MGMT: variants seen among roughly 807,000 people sequenced by gnomAD.
MGMT encodes methylated-DNA--protein-cysteine methyltransferase.
In MGMT, 14 loss-of-function variants were observed where a neutral mutation model predicts 15.9. The observed-to-expected ratio is 0.88, with a 90% CI of 0.58 to 1.37. The LOEUF is 1.37. Ranked by LOEUF, MGMT falls within the 40% of genes most tolerant of loss-of-function variation. The probability of loss-of-function intolerance (pLI) is 0.00; values close to 1 mark genes in which losing one functional copy is unlikely to be tolerated. For missense variants in MGMT, 282 were observed against 268.1 expected, an observed-to-expected ratio of 1.05 and a Z score of -0.36; for synonymous variants, 130 against 118.2, an observed-to-expected ratio of 1.10 and a Z score of -0.65.
intron 3 of MGMT, among the ~76,000 whole-genome samples, chr10:129,756,460 G>GT (rs534905920): frequency 4.6e-5 from 7 of 151,964 alleles, no homozygotes; most frequent in African/African-American, 1.4e-4. Flanking sequence ...GGCTGCTGGG[G>GT]TTTTTTTTGT....
intron 1 of MGMT, among the ~76,000 whole-genome samples, chr10:129,481,265 C>A (rs1256483884): frequency 6.6e-6 from 1 of 152,228 alleles, no homozygotes; most frequent in African/African-American, 2.4e-5. Flanking sequence ...GGATAACTCT[C>A]ATTGGTTTCC....
intron 2 of MGMT, among the ~76,000 whole-genome samples, chr10:129,607,900 G>A (rs960357153): frequency 6.6e-6 from 1 of 152,192 alleles, no homozygotes; most frequent in African/African-American, 2.4e-5. Flanking sequence ...GAGGACGTGG[G>A]GTTAGCCACC....
rs529724363 is a variant in MGMT, at chr10:129,471,280, C to T, written c.-13+3984C>T. 9.8e-5 allele frequency among the ~76,000 whole-genome samples: 15 copies of T among 152,332 alleles called. No homozygotes were observed. The South Asian group carries it at 2.9e-3, about 29-fold the overall frequency. The stretch of plus-strand genomic sequence containing the variant: ...GAAAGCGCTTGCCTTATTGACGGAT[C>T]AGGCAATTCTGGCACGGGATGTTCA... On this transcript the variant is annotated intron_variant, in intron 1 of 4. Transcript: ENST00000651593.
At chr10:129,619,557 A>G (rs923480158) in intron 2 of MGMT, among the ~76,000 whole-genome samples, 1 of 152,112 alleles carries the variant, frequency 6.6e-6, no homozygotes, top group Non-Finnish European at 1.5e-5. Context: ...AAAATTGTTT[A>G]GGATTGGTAT....
chr10:129,474,353 G>A (rs189471509), intron 1 of MGMT, among the ~76,000 whole-genome samples: 1 of 152,226 alleles, frequency 6.6e-6, no homozygotes, highest in African/African-American at 2.4e-5. Flanking sequence ...GTTCCAGGAG[G>A]TATAGCTGGG....
intron 1 of MGMT, among the ~76,000 whole-genome samples, chr10:129,493,395 T>C (rs1194823920): frequency 2.6e-5 from 4 of 152,166 alleles, no homozygotes; most frequent in Non-Finnish European, 2.9e-5. Flanking sequence ...TACTCTCCTT[T>C]TTCCAAGTGC....
chr10:129,564,910 T>A (rs1846336594), intron 2 of MGMT, among the ~76,000 whole-genome samples: 1 of 152,002 alleles, frequency 6.6e-6, no homozygotes, highest in South Asian at 2.1e-4. Flanking sequence ...GCCACTGCCC[T>A]CAGGGTCCCT....
At chr10:129,753,957 T>C (rs1020525884) in intron 3 of MGMT, among the ~76,000 whole-genome samples, 1 of 152,204 alleles carries the variant, frequency 6.6e-6, no homozygotes, top group African/African-American at 2.4e-5. Flanking sequence ...TGGTTGGATT[T>C]AGTTAGTTCA....
At chr10:129,694,515 C>A (rs571111397) in intron 2 of MGMT, among the ~76,000 whole-genome samples, 146 of 152,292 alleles carry the variant, frequency 9.6e-4, no homozygotes, top group African/African-American at 3.1e-3. Flanking sequence ...TGCCAGCCTT[C>A]TTTGAGTAGA....
intron 1 of MGMT, among the ~76,000 whole-genome samples, chr10:129,478,095 C>A (rs1845315714): frequency 6.6e-6 from 1 of 152,138 alleles, no homozygotes; most frequent in Non-Finnish European, 1.5e-5. Flanking sequence ...CTGTCCTGGC[C>A]CTGGGTGGGC....
At chr10:129,761,552 ACT>A (rs1848873651) in intron 4 of MGMT, among the ~76,000 whole-genome samples, 1 of 152,094 alleles carries the variant, frequency 6.6e-6, no homozygotes, top group South Asian at 2.1e-4. Context: ...AACCAGCGTG[ACT>A]CTCTTCTCCT....
At position 129,659,794 on chromosome 10, in the gene MGMT, GA is replaced by G. The variant is rs1424445416; in HGVS notation, c.126-48099del. 1.3e-5 allele frequency among the ~76,000 whole-genome samples: 2 copies of G among 152,152 alleles called. No homozygotes were observed. Among genetic ancestry groups the G allele is most frequent in the Admixed American group, 1.3e-4 (2 of 15,286 alleles). ...GAAAACAGAAGTAAAAGTCTAAATT[GA>G]ACCAAAGTCCTCCTTAAAGATTGCC... On this transcript the variant is annotated intron_variant, in intron 2 of 4. Coordinates refer to ENST00000651593, the MANE Select transcript of MGMT (RefSeq NM_002412.5). This position sits in a 1 kb window ranked among gnomAD's most constrained non-coding sequence, Gnocchi z 4.1.
chr10:129,582,050 G>A (rs764829898), intron 2 of MGMT, among the ~76,000 whole-genome samples: 1 of 152,210 alleles, frequency 6.6e-6, no homozygotes, highest in South Asian at 2.1e-4. Flanking sequence ...TCCCAGGTGG[G>A]TGGTGGTGAG....
chr10:129,659,256 C>T lies in MGMT; in HGVS notation c.126-48639C>T, dbSNP rs185986274. On this transcript the variant is annotated intron_variant, in intron 2 of 4. Coordinates refer to ENST00000651593, the MANE Select transcript of MGMT (RefSeq NM_002412.5). The surrounding 1 kb of genome is among the most constrained non-coding windows in gnomAD (Gnocchi z 4.1). ...CCCGTAGTCTCAGCTACTCGGGAGG[C>T]TGAGGCAGGAGAATTGCTTGAACCT... 8.9e-3 allele frequency among the ~76,000 whole-genome samples: 1,353 copies of T among 151,632 alleles called. 12 individuals are homozygous for T. Among genetic ancestry groups the T allele is most frequent in the Middle Eastern group, 0.051 (15 of 294 alleles).
chr10:129,467,535 G>A, intron 1 of MGMT: 1 of 706,708 alleles, frequency 1.4e-6, no homozygotes, highest in South Asian at 6.3e-5. Flanking sequence ...GGACTGGCGT[G>A]TGGCGGGGGT....
chr10:129,516,973 G>A (rs1461055071), intron 1 of MGMT, among the ~76,000 whole-genome samples: 4 of 152,202 alleles, frequency 2.6e-5, no homozygotes, highest in South Asian at 4.1e-4. Context: ...TAGCAATGTC[G>A]ACAGTTCTAC....
chr10:129,554,350 G>A (rs557170003), intron 2 of MGMT, among the ~76,000 whole-genome samples: 1 of 152,014 alleles, frequency 6.6e-6, no homozygotes, highest in East Asian at 1.9e-4. Context: ...TGTTTTCATC[G>A]ACATATTTAA....
intron 2 of MGMT, among the ~76,000 whole-genome samples, chr10:129,628,435 G>T (rs992209747): frequency 2.6e-5 from 4 of 152,134 alleles, no homozygotes; most frequent in African/African-American, 4.8e-5. Context: ...TCGCTCGGTC[G>T]CTGGGCAGTG....
At chr10:129,555,098 C>T (rs571409786) in intron 2 of MGMT, among the ~76,000 whole-genome samples, 3 of 152,338 alleles carry the variant, frequency 2.0e-5, no homozygotes, top group African/African-American at 4.8e-5. Flanking sequence ...ATGAGGATGA[C>T]GATGGTGCTA....
Sources: gnomAD v4.1 joint callset for allele counts (sites outside exome capture counted in the v4.1 genomes callset) on GRCh38, gnomAD v4.1.1 for gene constraint, Gnocchi (gnomAD v3.1) non-coding constraint, MANE v1.5 for transcripts, NCBI Gene and HGNC (gene_info 2026-07-23, HGNC 2026-07-21) for gene names.